RAPGEF4: variants seen among roughly 807,000 people sequenced by gnomAD.
The protein encoded by RAPGEF4 is Rap guanine nucleotide exchange factor 4, also known as RAP guanine-nucleotide-exchange factor (GEF) 4.
A neutral mutation model predicts 147.9 loss-of-function variants in RAPGEF4; 66 were observed. The observed-to-expected ratio is 0.45, with a 90% confidence interval of 0.37 to 0.55. The LOEUF (loss-of-function observed/expected upper bound fraction) is 0.55, where lower values mean the gene tolerates loss of function less well. RAPGEF4 is among the 20% of genes least tolerant of loss of function. The pLI is 0.00. For synonymous variants in RAPGEF4, 419 were observed against 442.7 expected, an observed-to-expected ratio of 0.95 and a Z score of 0.67; for missense variants, 1,071 against 1,257.3, an observed-to-expected ratio of 0.85 and a Z score of 2.24.
intron 30 of RAPGEF4, among the ~76,000 whole-genome samples, chr2:173,049,272 G>C (rs80013719): frequency 6.6e-6 from 1 of 152,092 alleles, no homozygotes; most frequent in East Asian, 1.9e-4. Context: ...ATTTTAGTCT[G>C]TTGGGAGTTA....
Position 172,916,115 on chromosome 2 carries a change from T to C in RAPGEF4, c.445-1687T>C, listed in dbSNP as rs552697709. Among the ~76,000 whole-genome samples the C allele has an allele frequency of 4.6e-5, 7 of 152,300 alleles. No individual in the cohort carries two copies. In the South Asian group the frequency reaches 1.5e-3, roughly 32 times the overall value. ...TTCCCACTAGCAGCGACCCTGATGG[T>C]GTGCTCCACAAGACAGCAACAGACC... On this transcript the variant is annotated intron_variant, in intron 4 of 30. Coordinates refer to ENST00000397081, the MANE Select transcript of RAPGEF4 (RefSeq NM_007023.4).
At chr2:172,926,116 C>T (rs772479234) in intron 6 of RAPGEF4, among the ~76,000 whole-genome samples, 56 of 151,138 alleles carry the variant, frequency 3.7e-4, no homozygotes, top group Non-Finnish European at 6.6e-4. Context: ...GGAAGCAAAA[C>T]CTTGGAGCCA....
intron 1 of RAPGEF4, among the ~76,000 whole-genome samples, chr2:172,781,732 C>G (rs1349543994): frequency 6.6e-6 from 1 of 152,132 alleles, no homozygotes; most frequent in Non-Finnish European, 1.5e-5. Flanking sequence ...GTTACATAAC[C>G]TACCTACCTA....
At chr2:172,930,495 C>G (rs1409101166) in intron 6 of RAPGEF4, among the ~76,000 whole-genome samples, 1 of 152,136 alleles carries the variant, frequency 6.6e-6, no homozygotes. Context: ...CCAATCAATA[C>G]TCCCTCATTT....
At chr2:172,928,458 G>A (rs149382387) in intron 6 of RAPGEF4, 3,092 of 260,642 alleles carry the variant, frequency 0.012, 30 homozygotes, top group Non-Finnish European at 0.019. Context: ...CAGTTATGCC[G>A]TGTGTTGGTT....
At chr2:172,834,171 T>C (rs1025853981) in intron 4 of RAPGEF4, among the ~76,000 whole-genome samples, 1 of 152,232 alleles carries the variant, frequency 6.6e-6, no homozygotes, top group African/African-American at 2.4e-5. Context: ...ATGGTCTCTC[T>C]TTCTCTTTAC....
intron 4 of RAPGEF4, chr2:172,821,531 C>T (rs925429899): frequency 2.1e-6 from 2 of 952,824 alleles, no homozygotes; most frequent in Non-Finnish European, 2.5e-6. Flanking sequence ...CCAGGAACTC[C>T]AGCCACACAC....
intron 3 of RAPGEF4, 99 bp from the exon 4 acceptor site, chr2:172,814,180 G>C (rs1489704481): frequency 1.7e-6 from 2 of 1,177,104 alleles, no homozygotes; most frequent in Non-Finnish European, 2.5e-6. Flanking sequence ...ATTAAATTGG[G>C]TGTTTTGCCT....
rs577374599 is a variant in RAPGEF4 at position 173,042,318 on chromosome 2, G to A, written c.2853+5626G>A. ...AATATTTTATGTAATAAATCCAAAA[G>A]TGTCTTCTATTTTATTAGAAAATTG... On this transcript the variant is annotated intron_variant, in intron 29 of 30. Transcript: ENST00000397081. This position sits in a 1 kb window ranked among gnomAD's most constrained non-coding sequence, Gnocchi z 4.2. Among the ~76,000 whole-genome samples the A allele has an allele frequency of 2.6e-5, 4 of 152,340 alleles. No homozygotes were observed. The highest frequency in any genetic ancestry group is 2.1e-4 in the South Asian group (1 of 4,832).
chr2:172,889,438 G>T (rs1259972491), intron 4 of RAPGEF4, among the ~76,000 whole-genome samples: 1 of 152,098 alleles, frequency 6.6e-6, no homozygotes, highest in Non-Finnish European at 1.5e-5. Flanking sequence ...ACGAACGGTT[G>T]CTAGAAACAT....
At chr2:172,905,028 C>T (rs537320697) in intron 4 of RAPGEF4, among the ~76,000 whole-genome samples, 14 of 152,096 alleles carry the variant, frequency 9.2e-5, no homozygotes, top group African/African-American at 3.1e-4. Flanking sequence ...CCCAATTCCC[C>T]TTGCCCTTAT....
chr2:172,752,893 C>T (rs568636290), intron 1 of RAPGEF4, among the ~76,000 whole-genome samples: 1 of 152,352 alleles, frequency 6.6e-6, no homozygotes, highest in Non-Finnish European at 1.5e-5. Flanking sequence ...TTGAATTTTA[C>T]ATTATCTCTG....
chr2:173,037,798 G>A (rs1428254748), intron 29 of RAPGEF4, among the ~76,000 whole-genome samples: 1 of 152,174 alleles, frequency 6.6e-6, no homozygotes, highest in African/African-American at 2.4e-5. Flanking sequence ...TTCTCTGTGA[G>A]TCGGTTTCCC....
In RAPGEF4 at chr2:172,981,517, G is replaced by A. The variant is rs527668218; in HGVS notation, c.1005-1979G>A. Reference sequence around the variant, plus strand: ...ACTTTCTGGGTTCCACCATAAGCACGAGATTGGTGTGCATTTGTGTCCCTC... The same window carrying A: ...ACTTTCTGGGTTCCACCATAAGCACAAGATTGGTGTGCATTTGTGTCCCTC... On this transcript the variant is annotated intron_variant, in intron 10 of 30. Coordinates refer to ENST00000397081, the MANE Select transcript of RAPGEF4 (RefSeq NM_007023.4). Among the ~76,000 whole-genome samples the A allele has an allele frequency of 2.0e-5, 3 of 152,298 alleles. No homozygotes were observed. In the South Asian group the frequency reaches 6.2e-4, roughly 32 times the overall value.
intron 17 of RAPGEF4, among the ~76,000 whole-genome samples, chr2:173,002,741 G>A (rs910167329): frequency 6.6e-6 from 1 of 151,274 alleles, no homozygotes; most frequent in East Asian, 2.0e-4. Flanking sequence ...AGTAAACAAT[G>A]TATGAGGACA....
chr2:172,766,920 A>G (rs1696903520), intron 1 of RAPGEF4, among the ~76,000 whole-genome samples: 2 of 152,234 alleles, frequency 1.3e-5, no homozygotes, highest in Admixed American at 1.3e-4. Context: ...AACTGTGTGC[A>G]AGGAAAGCTA....
intron 4 of RAPGEF4, among the ~76,000 whole-genome samples, chr2:172,816,022 C>T (rs192435140): frequency 7.1e-4 from 108 of 152,178 alleles, no homozygotes; most frequent in Non-Finnish European, 2.6e-4. Flanking sequence ...AAATGATAGA[C>T]ATATAACATA....
intron 4 of RAPGEF4, among the ~76,000 whole-genome samples, chr2:172,878,633 G>A (rs1038562805): frequency 2.0e-5 from 3 of 152,080 alleles, no homozygotes; most frequent in African/African-American, 7.2e-5. Context: ...GTAGACAGAT[G>A]GATTTAGAAA....
intron 16 of RAPGEF4, among the ~76,000 whole-genome samples, chr2:172,997,808 T>G (rs922830188): frequency 2.0e-5 from 3 of 152,236 alleles, no homozygotes; most frequent in African/African-American, 7.2e-5. Context: ...TGACCTTTGC[T>G]ATATATTCAA....
Sources: gnomAD v4.1 joint callset for allele counts (sites outside exome capture counted in the v4.1 genomes callset) on GRCh38, gnomAD v4.1.1 for gene constraint, Gnocchi (gnomAD v3.1) non-coding constraint, MANE v1.5 for transcripts, NCBI Gene and HGNC (gene_info 2026-07-23, HGNC 2026-07-21) for gene names.